The following VWA8 variants were observed in gnomAD, a reference collection of about 807,000 sequenced individuals.
VWA8 encodes the protein von Willebrand factor A domain-containing protein 8.
A neutral mutation model predicts 241.5 loss-of-function variants in VWA8; 221 were observed. The ratio of observed to expected loss-of-function variants is 0.91; its 90% CI spans 0.82 to 1.02. The LOEUF (loss-of-function observed/expected upper bound fraction) is 1.02, where lower values mean the gene tolerates loss of function less well. Ranked by LOEUF, VWA8 falls within the 50% of genes least tolerant of loss-of-function variation. The pLI, the probability that VWA8 is intolerant of heterozygous loss-of-function variation, is 0.00. For missense variants in VWA8, 2,322 were observed against 2,328.7 expected, an observed-to-expected ratio of 1.00 and a Z score of 0.06; for synonymous variants, 852 against 827.1, an observed-to-expected ratio of 1.03 and a Z score of -0.52.
At chr13:41,859,817 AT>A (rs1246480269) in intron 12 of VWA8, among the ~76,000 whole-genome samples, 1 of 152,182 alleles carries the variant, frequency 6.6e-6, no homozygotes. Context: ...CCTAAAAATA[AT>A]CAAGTCTAAA....
intron 42 of VWA8, among the ~76,000 whole-genome samples, chr13:41,583,574 C>T (rs143305354): frequency 0.016 from 2,269 of 142,294 alleles, 24 homozygotes; most frequent in Middle Eastern, 0.066. Context: ...ACCTGGGAGG[C>T]GGAGGCTGCA....
intron 36 of VWA8, among the ~76,000 whole-genome samples, chr13:41,672,919 A>G (rs1209398783): frequency 6.6e-6 from 1 of 152,120 alleles, no homozygotes; most frequent in Non-Finnish European, 1.5e-5. Context: ...AGAACACCCA[A>G]GCTGTATGAT....
intron 5 of VWA8, among the ~76,000 whole-genome samples, chr13:41,891,042 G>T (rs916766059): frequency 9.9e-5 from 15 of 151,842 alleles, no homozygotes; most frequent in Non-Finnish European, 2.1e-4. Flanking sequence ...CTTCAGCTTT[G>T]TATCCCTGGT....
intron 37 of VWA8, among the ~76,000 whole-genome samples, chr13:41,623,976 GA>G (rs1477194287): frequency 6.6e-6 from 1 of 152,046 alleles, no homozygotes; most frequent in Non-Finnish European, 1.5e-5. Flanking sequence ...AATTAGAAAT[GA>G]CAAAGGTGAC....
intron 37 of VWA8, among the ~76,000 whole-genome samples, chr13:41,656,940 C>A (rs570502514): frequency 3.3e-5 from 5 of 152,212 alleles, no homozygotes. Context: ...TATTTCCTAA[C>A]TTCATGTTTC....
chr13:41,937,595 G>A (rs780233282), intron 2 of VWA8, among the ~76,000 whole-genome samples: 20 of 152,118 alleles, frequency 1.3e-4, no homozygotes, highest in Non-Finnish European at 2.4e-4. Flanking sequence ...TGCTGCTCAC[G>A]TCCTGTTGTG....
chr13:41,689,637 C>T, intron 33 of VWA8, 129 bp from the exon 34 acceptor site: 2 of 909,640 alleles, frequency 2.2e-6, no homozygotes, highest in Middle Eastern at 3.7e-4. Flanking sequence ...TTTTAAATTA[C>T]ATTCATGGGC....
chr13:41,587,211 T>A (rs1293411486), intron 42 of VWA8, among the ~76,000 whole-genome samples: 2 of 152,080 alleles, frequency 1.3e-5, no homozygotes, highest in Non-Finnish European at 2.9e-5. Context: ...TGGGTGGGTA[T>A]GGGGAACTGG....
chr13:41,575,320 G>T (rs1452704669), intron 43 of VWA8, among the ~76,000 whole-genome samples: 1 of 152,120 alleles, frequency 6.6e-6, no homozygotes, highest in African/African-American at 2.4e-5. Flanking sequence ...AGCGTATACT[G>T]CTCGGGTGAT....
chr13:41,586,872 C>T (rs2044421729), intron 42 of VWA8, among the ~76,000 whole-genome samples: 1 of 152,062 alleles, frequency 6.6e-6, no homozygotes, highest in African/African-American at 2.4e-5. Flanking sequence ...AGGTTGTTTG[C>T]TCTGGTAAGG....
At chr13:41,829,549 ACACACACACACACACACATG>A (rs1457175548) in intron 14 of VWA8, among the ~76,000 whole-genome samples, 2 of 143,286 alleles carry the variant, frequency 1.4e-5, no homozygotes, top group Non-Finnish European at 3.1e-5. Context: ...ACACACACAC[ACACACACACACACACACATG>A]CACACACACA....
chr13:41,777,771 G>A (rs1440992610), intron 20 of VWA8, among the ~76,000 whole-genome samples: 5 of 152,258 alleles, frequency 3.3e-5, no homozygotes, highest in South Asian at 4.1e-4. Flanking sequence ...ATACTTATAA[G>A]ACAGAATGTA....
In VWA8 at chr13:41,866,388, T is replaced by TGC. The variant is rs1555344958; in HGVS notation, c.1213-354_1213-353dup. 5.9e-3 allele frequency among the ~76,000 whole-genome samples: 872 copies of TGC among 148,128 alleles called. 7 individuals are homozygous for TGC. Among genetic ancestry groups the TGC allele is most frequent in the African/African-American group, 0.021 (827 of 40,124 alleles). ...ATATATATATATATGTGTGTGTGTGTGCGCGTGTGTGTGTGTATATGTGTG... is the reference window on the plus strand; with the variant it reads ...ATATATATATATATGTGTGTGTGTGTGCGCGCGTGTGTGTGTGTATATGTGTG... On this transcript the variant is annotated intron_variant, in intron 10 of 44. Coordinates refer to ENST00000379310, the MANE Select transcript of VWA8 (RefSeq NM_015058.2).
chr13:41,898,166 G>A (rs986998169), intron 4 of VWA8, among the ~76,000 whole-genome samples: 2 of 150,222 alleles, frequency 1.3e-5, no homozygotes, highest in Non-Finnish European at 2.9e-5. Context: ...GCCGATTGGT[G>A]TATTTACAAT....
chr13:41,620,490 G>A (rs2044649812), intron 37 of VWA8, among the ~76,000 whole-genome samples: 1 of 152,042 alleles, frequency 6.6e-6, no homozygotes, highest in Non-Finnish European at 1.5e-5. Flanking sequence ...TCTAATCTTA[G>A]TTATTTGTTG....
intron 23 of VWA8, among the ~76,000 whole-genome samples, 195 bp from the exon 24 acceptor site, chr13:41,727,508 G>A (rs3737020): frequency 0.26 from 39,171 of 151,932 alleles, 5,909 homozygotes; most frequent in Non-Finnish European, 0.33. Context: ...CACTGATAAA[G>A]CATATACTAA....
chr13:41,947,004 G>C (rs565241618), intron 2 of VWA8, among the ~76,000 whole-genome samples: 1 of 152,080 alleles, frequency 6.6e-6, no homozygotes, highest in African/African-American at 2.4e-5. Flanking sequence ...CCAGCCTGTC[G>C]TCAGCAAGAA....
At chr13:41,918,183 A>T (rs1876347907) in intron 2 of VWA8, among the ~76,000 whole-genome samples, 1 of 152,230 alleles carries the variant, frequency 6.6e-6, no homozygotes, top group Admixed American at 6.5e-5. Context: ...CTTTGAAGAC[A>T]TCAAAAGAAA....
chr13:41,867,162 C>T (rs1873349646), intron 10 of VWA8, among the ~76,000 whole-genome samples: 1 of 152,206 alleles, frequency 6.6e-6, no homozygotes, highest in Non-Finnish European at 1.5e-5. Context: ...GTTCATACCT[C>T]ATGCTTCTGA....
Sources: gnomAD v4.1 joint callset for allele counts (sites outside exome capture counted in the v4.1 genomes callset) on GRCh38, gnomAD v4.1.1 for gene constraint, MANE v1.5 for transcripts, NCBI Gene and HGNC (gene_info 2026-07-23, HGNC 2026-07-21) for gene names.